The following BAZ2B variants were observed in gnomAD, a reference collection of about 807,000 sequenced individuals.
BAZ2B encodes bromodomain adjacent to zinc finger domain 2B, also known as bromodomain adjacent to zinc finger domain protein 2B.
In BAZ2B, 91 loss-of-function variants were observed where a neutral mutation model predicts 246.0. That is an observed-to-expected ratio of 0.37 (90% CI 0.31 to 0.44). BAZ2B has a LOEUF of 0.44. BAZ2B is among the 20% of genes least tolerant of loss of function. BAZ2B has a pLI of 1.00. For missense variants in BAZ2B, 2,332 were observed against 2,533.7 expected (o/e 0.92, Z 1.71); for synonymous variants, 855 against 860.0 (o/e 0.99, Z 0.10).
At chr2:159,684,290 T>C in the BAZ2B span, among the ~76,000 whole-genome samples, 1 of 152,220 alleles carries the variant, frequency 6.6e-6, no homozygotes, top group Non-Finnish European at 1.5e-5. Context: ...GTGCAGCTTT[T>C]TGTATGAACA....
At chr2:159,318,650 C>T (rs372489257), downstream of BAZ2B, among the ~76,000 whole-genome samples, 404 of 152,248 alleles carry the variant, frequency 2.7e-3, 3 homozygotes, top group African/African-American at 9.3e-3. Flanking sequence ...TTTATATATC[C>T]GTTTTTCTTC....
At chr2:159,446,067 T>C (rs1302880769) in intron 6 of BAZ2B, among the ~76,000 whole-genome samples, 4 of 152,068 alleles carry the variant, frequency 2.6e-5, no homozygotes, top group Non-Finnish European at 5.9e-5. Context: ...TGAGCTGAGA[T>C]TCTGCCACTA....
At chr2:159,478,497 T>G in intron 3 of BAZ2B, 78 bp downstream of exon 3, 1 of 1,422,630 alleles carries the variant, frequency 7.0e-7, no homozygotes, top group Non-Finnish European at 9.4e-7. Flanking sequence ...GAGAATATTT[T>G]ATTCAGTGCT....
Position 159,469,345 on chromosome 2 carries a change from G to T in BAZ2B, c.145+9230C>A, listed in dbSNP as rs1210178571. On this transcript the variant is annotated intron_variant, in intron 3 of 36. Coordinates refer to ENST00000392783, the MANE Select transcript of BAZ2B (RefSeq NM_013450.4). ...ATACATTTAATGATGTAGACGAAAT[G>T]AACGAATTCCTTGAAAGACACCAAC... Among the ~76,000 whole-genome samples the T allele has an allele frequency of 2.0e-5, 3 of 152,202 alleles. No homozygotes were observed. In the East Asian group the frequency reaches 5.8e-4, roughly 29 times the overall value.
the BAZ2B span, among the ~76,000 whole-genome samples, chr2:159,675,302 G>A: frequency 1.6e-4 from 24 of 150,302 alleles, no homozygotes; most frequent in Non-Finnish European, 2.5e-4. Flanking sequence ...AAAAAAAAAC[G>A]CACAACAGAA....
rs756052909 is a variant in BAZ2B at position 159,325,890 on chromosome 2, T to G, written c.5972A>C (p.Lys1991Thr). The part of the protein sequence containing the change: ...KASGQTLKIK[K>T]LHVKGKKTNE... The stretch of plus-strand genomic sequence containing the variant: ...AGTCTTTTTTCCTTTGACATGAAGT[T>G]TTTTGATTTTTAGAGTTTGACCACT... Residue 1991 changes from lysine (K) to threonine (T), a missense_variant, in exon 35 of 37, where the codon AAA (lysine) becomes ACA (threonine). Transcript: ENST00000392783. 1.0e-5 allele frequency: 16 copies of G among 1,588,456 alleles called. No homozygotes were observed. The highest frequency in any genetic ancestry group is 1.2e-5 in the South Asian group (1 of 84,436).
chr2:159,351,458 ATTTAC>A (rs2058555546), intron 27 of BAZ2B, among the ~76,000 whole-genome samples: 1 of 152,032 alleles, frequency 6.6e-6, no homozygotes, highest in African/African-American at 2.4e-5. Flanking sequence ...TGTTCTCCCA[ATTTAC>A]TTCCTTAAAA....
rs570336961 is a variant in BAZ2B at position 159,529,671 on chromosome 2, T to C, written c.-3+26152A>G. On this transcript the variant is annotated intron_variant, in intron 2 of 36. Coordinates refer to ENST00000392783, the MANE Select transcript of BAZ2B (RefSeq NM_013450.4). ...TTTCTCCTAAGTGTTAGTTGCCATCTAATATACTACATACAACTTATTTAT... is the reference window on the plus strand; with the variant it reads ...TTTCTCCTAAGTGTTAGTTGCCATCCAATATACTACATACAACTTATTTAT... 1.1e-3 allele frequency among the ~76,000 whole-genome samples: 171 copies of C among 152,324 alleles called. 1 individual carries two copies. The highest frequency in any genetic ancestry group is 2.0e-3 in the Non-Finnish European group (138 of 68,026).
rs371109697 is a variant in BAZ2B at position 159,350,216 on chromosome 2, T to C, written c.4355A>G (p.Glu1452Gly). 4.3e-6 allele frequency: 7 copies of C among 1,613,830 alleles called. No homozygotes were observed. The African/African-American group carries it at 8.0e-5, about 18-fold the overall frequency. ...AAGGAATAGATTTGTGTTATCTTTT[T>C]CTTTAAGATCTTCCTTTTGTTCACA... Reference protein sequence around the residue: ...DHCEQKEDLKEKDNTNLFLQK... With the variant: ...DHCEQKEDLKGKDNTNLFLQK... Residue 1452 changes from glutamate (E) to glycine (G), a missense_variant, in exon 28 of 37, where the codon GAA becomes GGA. Physicochemically the swap from Glu to Gly is moderately conservative, Grantham distance 98. Around this residue, in one of 9 missense-constraint regions of BAZ2B, gnomAD observed 676 missense variants for 668.6 expected, o/e 1.01. Coordinates refer to ENST00000392783, the MANE Select transcript of BAZ2B (RefSeq NM_013450.4).
intron 33 of BAZ2B, among the ~76,000 whole-genome samples, chr2:159,335,621 C>T (rs1160403567): frequency 6.6e-6 from 1 of 151,108 alleles, no homozygotes; most frequent in Non-Finnish European, 1.5e-5. Context: ...CATTATGAAA[C>T]TGCAGATTCA....
intron 18 of BAZ2B, 90 bp downstream of exon 18, chr2:159,398,739 A>G: frequency 8.4e-7 from 1 of 1,195,202 alleles, no homozygotes; most frequent in South Asian, 1.5e-5. Context: ...GTCATTTTGA[A>G]GAAAGCTATT....
chr2:159,545,773 G>A (rs757970151), intron 2 of BAZ2B, among the ~76,000 whole-genome samples: 2 of 152,076 alleles, frequency 1.3e-5, no homozygotes, highest in African/African-American at 2.4e-5. Flanking sequence ...TAATCATCAC[G>A]TAAGGATCTA....
intron 17 of BAZ2B, 161 bp from the exon 18 acceptor site, chr2:159,399,055 A>T: frequency 1.8e-6 from 1 of 546,340 alleles, no homozygotes; most frequent in Non-Finnish European, 3.0e-6. Flanking sequence ...ATTATGTTTA[A>T]CGTAATAATT....
Position 159,332,670 on chromosome 2 carries a change from C to A in BAZ2B, c.5813G>T (p.Arg1938Leu). 6.2e-7 allele frequency: 1 copy of A among 1,613,880 alleles called. No homozygotes were observed. Residue 1938 changes from arginine (R) to leucine (L), a missense_variant, in exon 34 of 37, where the codon CGA becomes CTA. Transcript: ENST00000392783. The part of the protein sequence containing the change: ...SIMKVYCQIC[R>L]KGDNEELLLL... ...AAGCAGTTCTTCATTATCTCCCTTT[C>A]GACAGATTTGGCAGTACTATAATAC... is the stretch of plus-strand genomic sequence containing the variant.
At chr2:159,441,696 C>T (rs1468856639) in intron 6 of BAZ2B, among the ~76,000 whole-genome samples, 4 of 152,194 alleles carry the variant, frequency 2.6e-5, no homozygotes, top group African/African-American at 9.7e-5. Context: ...GTCACCTACG[C>T]TGGAGTGCAA....
At chr2:159,366,591 G>A (rs999753923) in intron 27 of BAZ2B, among the ~76,000 whole-genome samples, 4 of 152,216 alleles carry the variant, frequency 2.6e-5, no homozygotes, top group Admixed American at 6.5e-5. Context: ...CACCTACGAA[G>A]CTGAGGATAT....
chr2:159,678,908 A>G, the BAZ2B span, among the ~76,000 whole-genome samples: 2 of 152,184 alleles, frequency 1.3e-5, no homozygotes, highest in African/African-American at 4.8e-5. Context: ...TAGCTTATAA[A>G]TGGCATGATA....
intron 2 of BAZ2B, among the ~76,000 whole-genome samples, chr2:159,517,047 C>T (rs1018384853): frequency 1.3e-5 from 2 of 151,896 alleles, no homozygotes; most frequent in Non-Finnish European, 2.9e-5. Context: ...TAATAAAAGA[C>T]CAAAATTAAT....
chr2:159,512,986 T>C (rs2083082170), intron 2 of BAZ2B, among the ~76,000 whole-genome samples: 1 of 152,152 alleles, frequency 6.6e-6, no homozygotes, highest in Admixed American at 6.5e-5. Context: ...ATTTTTAAAA[T>C]AAGGAGCATG....
Sources: gnomAD v4.1 joint callset for allele counts (sites outside exome capture counted in the v4.1 genomes callset) on GRCh38, gnomAD v4.1.1 for gene constraint, gnomAD v4.1.1 regional missense constraint, MANE v1.5 for transcripts, NCBI Gene and HGNC (gene_info 2026-07-23, HGNC 2026-07-21) for gene names.